CHN2: variants seen among roughly 807,000 people sequenced by gnomAD.
CHN2 encodes beta-chimaerin.
In CHN2, 35 loss-of-function variants were observed where a neutral mutation model predicts 56.3. The observed-to-expected ratio is 0.62, with a 90% CI of 0.47 to 0.82. The LOEUF is 0.82. CHN2 is among the 40% of genes least tolerant of loss of function. CHN2 has a pLI of 0.00. For synonymous variants in CHN2, 210 were observed against 212.8 expected (o/e 0.99, Z 0.12); for missense variants, 491 against 580.5 (o/e 0.85, Z 1.58).
chr7:29,297,862 A>C (rs1431201283), intron 1 of CHN2, among the ~76,000 whole-genome samples: 1 of 152,184 alleles, frequency 6.6e-6, no homozygotes, highest in Non-Finnish European at 1.5e-5. Flanking sequence ...GGAAAAAAGA[A>C]GGCGTTTTTT....
At chr7:29,502,982 G>T (rs937318442) in intron 9 of CHN2, among the ~76,000 whole-genome samples, 3 of 152,054 alleles carry the variant, frequency 2.0e-5, no homozygotes, top group Non-Finnish European at 4.4e-5. Flanking sequence ...TCCCACTTAT[G>T]AGTGAGAACA....
At chr7:29,297,738 G>A (rs1426997319) in intron 1 of CHN2, among the ~76,000 whole-genome samples, 1 of 152,036 alleles carries the variant, frequency 6.6e-6, no homozygotes, top group Admixed American at 6.5e-5. Flanking sequence ...AAGCCAACTA[G>A]TTTAAGGCTT....
At chr7:29,230,563 A>G (rs890495364) in intron 1 of CHN2, among the ~76,000 whole-genome samples, 1 of 151,994 alleles carries the variant, frequency 6.6e-6, no homozygotes, top group Non-Finnish European at 1.5e-5. Context: ...CTGGTCTCGA[A>G]CTCTTGTCCT....
rs1059182 is a variant in CHN2 at position 29,513,055 on chromosome 7, T to G, written c.*320T>G. 15,609 of 201,322 alleles carry G rather than the reference T, an allele frequency of 0.078. 763 individuals carry two copies. Among genetic ancestry groups the G allele is most frequent in the Admixed American group, 0.14 (2,537 of 17,742 alleles). 12.5% of individuals were successfully genotyped at this position (201,322 alleles called of 1,614,324 possible). A position where few individuals can be genotyped will look rare whatever the true frequency, so the allele number is the denominator to read the frequency against. On this transcript the variant is annotated 3_prime_UTR_variant, in exon 13 of 13. Transcript: ENST00000222792. ...GACCTTTAAACTTCAGTCTTATTGG[T>G]AATAAAAGGGAACTTAATTCATACA... is the stretch of plus-strand genomic sequence containing the variant.
intron 1 of CHN2, among the ~76,000 whole-genome samples, chr7:29,305,805 T>TTCCTCCTCGTCTTTCTCCTCCTCC (rs1554397341): frequency 0.29 from 37,427 of 130,186 alleles, 4,973 homozygotes; most frequent in Non-Finnish European, 0.33. Context: ...CTCCCGTTCC[T>TTCCTCCTCGTCTTTCTCCTCCTCC]TCCTCCTCGT....
At chr7:29,160,964 T>C (rs1012597612) in intron 2 of CHN2, among the ~76,000 whole-genome samples, 3 of 152,220 alleles carry the variant, frequency 2.0e-5, no homozygotes, top group Non-Finnish European at 2.9e-5. Flanking sequence ...ACAAGTGTCA[T>C]TTTCTTGAGT....
At chr7:29,253,936 G>C (rs1206588837) in intron 1 of CHN2, among the ~76,000 whole-genome samples, 1 of 151,938 alleles carries the variant, frequency 6.6e-6, no homozygotes, top group Non-Finnish European at 1.5e-5. Context: ...ACGGAGTCTT[G>C]CTCTGTCGCC....
intron 2 of CHN2, among the ~76,000 whole-genome samples, chr7:29,166,670 TCTTATA>T: frequency 6.6e-6 from 1 of 152,294 alleles, no homozygotes; most frequent in Middle Eastern, 3.4e-3. Context: ...TGTAATATTT[TCTTATA>T]CTTTTAGTAT....
chr7:29,494,950 T>TAAAAAAAAAAAAAAAAAAAAAAAA (rs5883217), intron 7 of CHN2, among the ~76,000 whole-genome samples: 3 of 64,652 alleles, frequency 4.6e-5, no homozygotes, highest in Non-Finnish European at 5.7e-5. Flanking sequence ...AAGCAGTTTG[T>TAAAAAAAAAAAAAAAAAAAAAAAA]AAAAAAAAAA....
intron 6 of CHN2, among the ~76,000 whole-genome samples, chr7:29,456,609 GCCCCCTCCC>G (rs1784774438): frequency 4.8e-5 from 1 of 20,734 alleles, no homozygotes; most frequent in African/African-American, 1.8e-4. Flanking sequence ...GCCACCACCC[GCCCCCTCCC>G]CCCCACCACC....
Position 29,393,659 on chromosome 7 carries a change from T to G in CHN2, c.145-20T>G, listed in dbSNP as rs778657546. ...TTTGAATTCAAATGCATTATTAATT[T>G]TTTTTTCTTTTTAATATAGGTGGAA... On this transcript the variant is annotated intron_variant, in intron 3 of 12. Coordinates refer to ENST00000222792, the MANE Select transcript of CHN2 (RefSeq NM_004067.4). 1 of 881,784 alleles carries G rather than the reference T, an allele frequency of 1.1e-6. No individual in the cohort carries two copies. The highest frequency in any genetic ancestry group is 1.7e-6 in the Non-Finnish European group (1 of 596,306). 54.6% of individuals were successfully genotyped at this position (881,784 alleles called of 1,614,324 possible).
intron 10 of CHN2, among the ~76,000 whole-genome samples, chr7:29,505,784 G>C (rs1012505155): frequency 6.6e-6 from 1 of 152,156 alleles, no homozygotes; most frequent in Admixed American, 6.5e-5. Context: ...TTGTTGAGTT[G>C]CATGTCTGTC....
In CHN2 at chr7:29,242,479, G is replaced by T. The variant is rs373134260; in HGVS notation, c.49+47489G>T. ...TTTATATGAAATCCTTCAGCCAATGGCAGCATCTTTAAGGCATCAGCCGTT... is the reference window on the plus strand; with the variant it reads ...TTTATATGAAATCCTTCAGCCAATGTCAGCATCTTTAAGGCATCAGCCGTT... On this transcript the variant is annotated intron_variant, in intron 1 of 12. Transcript: ENST00000222792. Among the ~76,000 whole-genome samples, 6 of 152,192 alleles carry T rather than the reference G, an allele frequency of 3.9e-5. No individual in the cohort carries two copies. In the East Asian group the frequency reaches 7.7e-4, roughly 20 times the overall value.
At chr7:29,230,350 C>CT (rs903462130) in intron 1 of CHN2, among the ~76,000 whole-genome samples, 12 of 151,964 alleles carry the variant, frequency 7.9e-5, no homozygotes, top group Non-Finnish European at 1.3e-4. Flanking sequence ...ATTCCTCTTT[C>CT]TTTTTTTTGA....
At chr7:29,359,607 A>G (rs1798575427) in intron 2 of CHN2, among the ~76,000 whole-genome samples, 1 of 152,184 alleles carries the variant, frequency 6.6e-6, no homozygotes, top group Non-Finnish European at 1.5e-5. Flanking sequence ...TCCATAAAAT[A>G]ATCTTGTCCC....
In CHN2 at chr7:29,513,659, T is replaced by TAATA. The variant is rs1350479386; in HGVS notation, c.*925_*928dup. On this transcript the variant is annotated 3_prime_UTR_variant, in exon 13 of 13. Coordinates refer to ENST00000222792, the MANE Select transcript of CHN2 (RefSeq NM_004067.4). ...GGCCAAGCCCTCTGAATTCATCTGT[T>TAATA]AATATCAAATTGTATTTTTGCCACA... 14 of 152,400 alleles carry TAATA rather than the reference T, an allele frequency of 9.2e-5. No homozygotes were observed. The highest frequency in any genetic ancestry group is 3.4e-4 in the African/African-American group (14 of 41,462). 9.4% of individuals were successfully genotyped at this position (152,400 alleles called of 1,614,324 possible). A position where few individuals can be genotyped will look rare whatever the true frequency, so the allele number is the denominator to read the frequency against.
At chr7:29,380,197 A>G (rs1402305682) in intron 3 of CHN2, among the ~76,000 whole-genome samples, 1 of 152,180 alleles carries the variant, frequency 6.6e-6, no homozygotes, top group Non-Finnish European at 1.5e-5. Flanking sequence ...TATATGTAAA[A>G]GCATTCTGAA....
At chr7:29,207,341 A>C (rs1042107728) in intron 1 of CHN2, among the ~76,000 whole-genome samples, 2 of 152,044 alleles carry the variant, frequency 1.3e-5, no homozygotes, top group African/African-American at 4.8e-5. Flanking sequence ...TTCCACATTC[A>C]TCTTTTTCTG....
intron 7 of CHN2, among the ~76,000 whole-genome samples, chr7:29,484,219 CCCT>C (rs1205472104): frequency 6.6e-6 from 1 of 151,874 alleles, no homozygotes; most frequent in Non-Finnish European, 1.5e-5. Flanking sequence ...TGGTTTATAC[CCCT>C]CGTTTGTTTA....
Sources: gnomAD v4.1 joint callset for allele counts (sites outside exome capture counted in the v4.1 genomes callset) on GRCh38, gnomAD v4.1.1 for gene constraint, MANE v1.5 for transcripts, NCBI Gene and HGNC (gene_info 2026-07-23, HGNC 2026-07-21) for gene names.